DSCAM: variants seen among roughly 807,000 people sequenced by gnomAD.
DSCAM encodes the protein cell adhesion molecule DSCAM.
In DSCAM, 47 loss-of-function variants were observed where a neutral mutation model predicts 217.7. The observed-to-expected ratio is 0.22, with a 90% CI of 0.17 to 0.28. The LOEUF is 0.28. Ranked by LOEUF, DSCAM falls within the 10% of genes least tolerant of loss-of-function variation. The pLI is 1.00. For missense variants in DSCAM, 2,080 were observed against 2,618.3 expected, an observed-to-expected ratio of 0.79 and a Z score of 4.49; for synonymous variants, 1,056 against 1,015.3, an observed-to-expected ratio of 1.04 and a Z score of -0.76.
chr21:40,268,688 C>T (rs2073573987), intron 11 of DSCAM, among the ~76,000 whole-genome samples: 1 of 152,026 alleles, frequency 6.6e-6, no homozygotes, highest in Non-Finnish European at 1.5e-5. Context: ...GTGGCTCATG[C>T]CTGTAATTCC....
At chr21:40,655,642 A>G (rs977387561) in intron 3 of DSCAM, among the ~76,000 whole-genome samples, 19 of 151,984 alleles carry the variant, frequency 1.3e-4, no homozygotes, top group African/African-American at 4.4e-4. Context: ...TTGTAGAGAC[A>G]GGATTTTGCC....
At chr21:40,670,132 TAAGAG>T (rs1336520237) in intron 3 of DSCAM, among the ~76,000 whole-genome samples, 1 of 152,244 alleles carries the variant, frequency 6.6e-6, no homozygotes, top group Non-Finnish European at 1.5e-5. Context: ...GCAGCTATTT[TAAGAG>T]AAGAGGTGCA....
intron 11 of DSCAM, among the ~76,000 whole-genome samples, chr21:40,208,973 T>C (rs1030761140): frequency 2.6e-5 from 4 of 152,178 alleles, no homozygotes; most frequent in Admixed American, 6.5e-5. Flanking sequence ...CTATTGTGAT[T>C]TCTTTTCAGA....
At chr21:40,238,206 C>G (rs2073104028) in intron 11 of DSCAM, among the ~76,000 whole-genome samples, 2 of 152,130 alleles carry the variant, frequency 1.3e-5, no homozygotes, top group South Asian at 4.1e-4. Context: ...ACTCCAGCCC[C>G]CAAGTCTGAT....
intron 3 of DSCAM, among the ~76,000 whole-genome samples, chr21:40,496,227 C>T (rs1356537556): frequency 6.6e-6 from 1 of 152,010 alleles, no homozygotes; most frequent in Admixed American, 6.6e-5. Context: ...CAATCTTGAG[C>T]AAAAGAACAA....
Position 40,339,179 on chromosome 21 carries a change from G to C in DSCAM, c.1447C>G (p.Arg483Gly). The C allele has an allele frequency of 6.2e-7, 1 of 1,614,194 alleles. No individual in the cohort carries two copies. The highest frequency in any genetic ancestry group is 1.1e-5 in the South Asian group (1 of 91,082). Reference sequence around the variant, plus strand: ...CCCGCCGAGTTGTTGGCAGTGCAGCGGTAGACTCCCCCGTCCCGGACCTGG... The same window carrying C: ...CCCGCCGAGTTGTTGGCAGTGCAGCCGTAGACTCCCCCGTCCCGGACCTGG... ...SSQVRDGGVY[R>G]CTANNSAGVV... Residue 483 changes from arginine to glycine, a missense_variant, in exon 7 of 33, where the codon CGC becomes GGC. Physicochemically the swap from Arg to Gly is moderately radical, Grantham distance 125. Around this residue, in one of 5 missense-constraint regions of DSCAM, gnomAD observed 568 missense variants for 678.1 expected, o/e 0.84. Coordinates refer to ENST00000400454, the MANE Select transcript of DSCAM (RefSeq NM_001389.5).
chr21:40,796,201 T>A (rs2091690165), intron 1 of DSCAM, among the ~76,000 whole-genome samples: 1 of 152,202 alleles, frequency 6.6e-6, no homozygotes, highest in Admixed American at 6.5e-5. Context: ...CTTCCCTGCT[T>A]CATTGACATC....
intron 15 of DSCAM, among the ~76,000 whole-genome samples, chr21:40,177,276 C>T (rs2090744544): frequency 1.3e-5 from 2 of 152,118 alleles, no homozygotes; most frequent in Admixed American, 6.5e-5. Context: ...ATTTTCAGAG[C>T]TTGAGTTTTT....
intron 1 of DSCAM, among the ~76,000 whole-genome samples, chr21:40,797,727 G>C (rs184425700): frequency 1.8e-4 from 27 of 152,300 alleles, no homozygotes; most frequent in Middle Eastern, 6.8e-3. Context: ...AACATAAGCA[G>C]AGAAAGAGCT....
chr21:40,795,040 G>A (rs2222985), intron 1 of DSCAM, among the ~76,000 whole-genome samples: 69,907 of 149,442 alleles, frequency 0.47, 17,914 homozygotes, highest in South Asian at 0.66. Context: ...TGGATCATCA[G>A]CTAGTTGACC....
chr21:40,619,311 A>C (rs1276540270), intron 3 of DSCAM, among the ~76,000 whole-genome samples: 1 of 152,198 alleles, frequency 6.6e-6, no homozygotes, highest in African/African-American at 2.4e-5. Flanking sequence ...AATATTTATA[A>C]AACAATTATT....
chr21:40,841,901 T>C (rs1253154356), intron 1 of DSCAM, among the ~76,000 whole-genome samples: 1 of 152,238 alleles, frequency 6.6e-6, no homozygotes, highest in East Asian at 1.9e-4. Flanking sequence ...GCTGTACAGT[T>C]GAAAACAAAG....
intron 1 of DSCAM, among the ~76,000 whole-genome samples, chr21:40,782,011 G>GA (rs1181013962): frequency 1.8e-3 from 118 of 65,792 alleles, no homozygotes; most frequent in African/African-American, 6.1e-3. Flanking sequence ...AAAAAAAAAA[G>GA]AAAAAAAAAA....
At chr21:40,466,484 C>A (rs1194621037) in intron 3 of DSCAM, among the ~76,000 whole-genome samples, 1 of 152,170 alleles carries the variant, frequency 6.6e-6, no homozygotes, top group Non-Finnish European at 1.5e-5. Context: ...CATCTCCCTG[C>A]TTGAGTACTC....
chr21:40,333,507 G>A (rs2074398009), intron 8 of DSCAM, among the ~76,000 whole-genome samples: 1 of 152,100 alleles, frequency 6.6e-6, no homozygotes, highest in Non-Finnish European at 1.5e-5. Context: ...TAGGATTACA[G>A]GTGTGTGCCA....
intron 1 of DSCAM, among the ~76,000 whole-genome samples, chr21:40,773,007 T>C (rs941693470): frequency 2.3e-4 from 35 of 152,226 alleles, no homozygotes; most frequent in Admixed American, 3.3e-4. Flanking sequence ...ATTGGCCCTA[T>C]TGCCACAGGT....
intron 1 of DSCAM, among the ~76,000 whole-genome samples, chr21:40,829,229 A>G (rs2091993773): frequency 6.6e-6 from 1 of 152,234 alleles, no homozygotes; most frequent in Non-Finnish European, 1.5e-5. Context: ...TAGTCCAAGT[A>G]TTCACTTGAT....
intron 32 of DSCAM, among the ~76,000 whole-genome samples, chr21:40,029,606 G>GCCAGGAGC (rs911014787): frequency 3.3e-5 from 5 of 152,132 alleles, no homozygotes; most frequent in African/African-American, 1.2e-4. Context: ...ATGCAGAGAG[G>GCCAGGAGC]CCAGGAGCCC....
intron 1 of DSCAM, among the ~76,000 whole-genome samples, chr21:40,845,351 C>G (rs2092135420): frequency 6.6e-6 from 1 of 152,176 alleles, no homozygotes; most frequent in Non-Finnish European, 1.5e-5. Context: ...TGCATTTCTT[C>G]TGGCCTGTTG....
Sources: allele counts gnomAD v4.1 joint callset (sites outside exome capture counted in the v4.1 genomes callset), GRCh38; gene constraint gnomAD v4.1.1; regional missense constraint gnomAD v4.1.1; transcripts MANE v1.5; gene names NCBI Gene and HGNC (gene_info 2026-07-23, HGNC 2026-07-21).